DNAH10: variants seen among roughly 807,000 people sequenced by gnomAD.
The protein encoded by DNAH10 is dynein axonemal heavy chain 10.
DNAH10 carries 348 observed loss-of-function variants against 506.6 expected under a neutral mutation model. The ratio of observed to expected loss-of-function variants is 0.69; its 90% confidence interval spans 0.63 to 0.75. The LOEUF is 0.75. Among genes scored for constraint, DNAH10 ranks in the 30% least tolerant of loss-of-function variants. The probability of loss-of-function intolerance (pLI) is 0.00; values close to 1 mark genes in which losing one functional copy is unlikely to be tolerated. For missense variants in DNAH10, 5,179 were observed against 5,787.1 expected (o/e 0.89, Z 3.41); for synonymous variants, 2,059 against 2,198.6 (o/e 0.94, Z 1.78).
rs139756358 is a variant in DNAH10, at chr12:123,883,738, C to T, written c.8823+1925C>T. On this transcript the variant is annotated intron_variant, in intron 51 of 78. Coordinates refer to ENST00000673944, the MANE Select transcript of DNAH10 (RefSeq NM_001372106.1). ...ACAAATGATCTTTATTTTCTTTAGA[C>T]GTTTCTGCATTGCTTGAATTGTTGC... 3.3e-5 allele frequency among the ~76,000 whole-genome samples: 5 copies of T among 152,206 alleles called. No homozygotes were observed. In the East Asian group the frequency reaches 9.6e-4, roughly 29 times the overall value.
intron 21 of DNAH10, among the ~76,000 whole-genome samples, chr12:123,818,056 C>T (rs1301445672): frequency 6.7e-6 from 1 of 149,252 alleles, no homozygotes; most frequent in Admixed American, 6.8e-5. Context: ...TCAAGTGATT[C>T]TCTTGCCTCG....
At position 123,893,283 on chromosome 12, in the gene DNAH10, C is replaced by T; in HGVS notation, c.9046C>T (p.Gln3016Ter). 1.2e-6 allele frequency: 2 copies of T among 1,614,044 alleles called. No homozygotes were observed. Among genetic ancestry groups the T allele is most frequent in the Non-Finnish European group, 1.7e-6 (2 of 1,179,900 alleles). Residue 3016 changes from glutamine to a stop codon, truncating the protein, a stop_gained, in exon 53 of 79, where the codon CAG becomes TAG. Transcript: ENST00000673944. LOFTEE classifies it high-confidence loss of function. ...SEEEKESILS[Q>*]IGQEALKQGM... ...AGAGGAGAAAGAGTCTATCCTGAGT[C>T]AGATTGGACAGGAAGCTCTGAAGCA...
At chr12:123,772,397 C>T (rs899297192) in intron 3 of DNAH10, among the ~76,000 whole-genome samples, 3 of 152,186 alleles carry the variant, frequency 2.0e-5, no homozygotes, top group South Asian at 4.1e-4. Context: ...GTTCTGAAGA[C>T]GTTTGGCATG....
At position 123,867,456 on chromosome 12, in the gene DNAH10, C is replaced by CT; in HGVS notation, c.7168-5dup. The CT allele has an allele frequency of 2.5e-6, 4 of 1,607,832 alleles. No homozygotes were observed. The highest frequency in any genetic ancestry group is 3.4e-6 in the Non-Finnish European group (4 of 1,177,606). ...ACCCTTGAAATGCTTTGGAATGCTA[C>CT]TTTTTTATAGGTGGAGCAATACAAT... On this transcript the variant is annotated splice_polypyrimidine_tract_variant and intron_variant, in intron 41 of 78. Transcript: ENST00000673944.
intron 57 of DNAH10, among the ~76,000 whole-genome samples, chr12:123,905,064 T>C (rs1210071082): frequency 6.6e-6 from 1 of 152,240 alleles, no homozygotes; most frequent in Non-Finnish European, 1.5e-5. Flanking sequence ...GAGCAGGGGA[T>C]GCCTGCAAAT....
At position 123,907,912 on chromosome 12, in the gene DNAH10, C is replaced by T. The variant is rs954959387; in HGVS notation, c.9816-1349C>T. Among the ~76,000 whole-genome samples the T allele has an allele frequency of 5.9e-5, 9 of 152,160 alleles. No homozygotes were observed. Among genetic ancestry groups the T allele is most frequent in the African/African-American group, 1.4e-4 (6 of 41,436 alleles). On this transcript the variant is annotated intron_variant, in intron 57 of 78. Coordinates refer to ENST00000673944, the MANE Select transcript of DNAH10 (RefSeq NM_001372106.1). The surrounding 1 kb of genome is among the most constrained non-coding windows in gnomAD (Gnocchi z 4.4). The stretch of plus-strand genomic sequence containing the variant: ...ACTGGGCTTTGTGCTGAAGTGTGGG[C>T]GCCCTCCCTCCTGGCTGTTGCCCTG...
At position 123,907,624 on chromosome 12, in the gene DNAH10, G is replaced by C. The variant is rs1385195288; in HGVS notation, c.9816-1637G>C. ...GTTCTGCGTCTCTACTTCACAGATG[G>C]GGAAACTGACGCCCTGGCTGGTTCC... On this transcript the variant is annotated intron_variant, in intron 57 of 78. Coordinates refer to ENST00000673944, the MANE Select transcript of DNAH10 (RefSeq NM_001372106.1). This position sits in a 1 kb window ranked among gnomAD's most constrained non-coding sequence, Gnocchi z 4.4. Among the ~76,000 whole-genome samples, 1 of 152,166 alleles carries C rather than the reference G, an allele frequency of 6.6e-6. No homozygotes were observed. The highest frequency in any genetic ancestry group is 2.4e-5 in the African/African-American group (1 of 41,438).
rs201971927 is a variant in DNAH10, at chr12:123,917,813, G to A, written c.11232G>A (p.Glu3744=). Reference sequence around the variant, plus strand: ...AGGAGACCAAATCCAAGGCAACAGAGGTAGCAACCACAGTGGAAGAGGCCG... The same window carrying A: ...AGGAGACCAAATCCAAGGCAACAGAAGTAGCAACCACAGTGGAAGAGGCCG... ...TLEETKSKAT[E]VSEKLKLAEK... is the part of the protein sequence containing the mutation. Residue 3744 remains glutamate (E), a splice_region_variant and synonymous_variant, in exon 64 of 79, where the codon GAG becomes GAA. Coordinates refer to ENST00000673944, the MANE Select transcript of DNAH10 (RefSeq NM_001372106.1). The surrounding 1 kb of genome is among the most constrained non-coding windows in gnomAD (Gnocchi z 5.6). 4.7e-4 allele frequency: 733 copies of A among 1,566,808 alleles called. 3 individuals are homozygous for A. The highest frequency in any genetic ancestry group is 6.8e-5 in the Non-Finnish European group (79 of 1,156,174).
At chr12:123,873,845 C>A (rs867092720) in intron 46 of DNAH10, 135 bp downstream of exon 46, 2 of 1,219,130 alleles carry the variant, frequency 1.6e-6, no homozygotes, top group Admixed American at 3.4e-5. Flanking sequence ...GTACAGGCTG[C>A]GGGGAGCCAG....
rs1403410085 is a variant in DNAH10 at position 123,902,488 on chromosome 12, GGA to G, written c.9641-443_9641-442del. Among the ~76,000 whole-genome samples, 3 of 152,320 alleles carry G rather than the reference GGA, an allele frequency of 2.0e-5. No homozygotes were observed. Among genetic ancestry groups the G allele is most frequent in the African/African-American group, 4.8e-5 (2 of 41,576 alleles). ...GTCATGAAGCAAGTCAGCAAGGAAG[GGA>G]GAGAGAGGACGACAGAGGGGCAGGC... On this transcript the variant is annotated intron_variant, in intron 56 of 78. Coordinates refer to ENST00000673944, the MANE Select transcript of DNAH10 (RefSeq NM_001372106.1). This position sits in a 1 kb window ranked among gnomAD's most constrained non-coding sequence, Gnocchi z 4.5.
chr12:123,777,708 C>T (rs117359312), intron 5 of DNAH10, among the ~76,000 whole-genome samples: 205 of 152,256 alleles, frequency 1.3e-3, no homozygotes, highest in Middle Eastern at 3.4e-3. Flanking sequence ...TGCAGTGGCG[C>T]GAGCATGGCT....
chr12:123,831,026 G>A (rs575007517), intron 26 of DNAH10, among the ~76,000 whole-genome samples: 1 of 152,258 alleles, frequency 6.6e-6, no homozygotes, highest in African/African-American at 2.4e-5. Flanking sequence ...ATTTGTTGTA[G>A]AAATAGAATT....
In DNAH10 at chr12:123,922,674, G is replaced by T. The variant is rs183463478; in HGVS notation, c.11507-1089G>T. Among the ~76,000 whole-genome samples the T allele has an allele frequency of 2.6e-5, 4 of 152,246 alleles. No individual in the cohort carries two copies. In the East Asian group the frequency reaches 7.7e-4, roughly 29 times the overall value. On this transcript the variant is annotated intron_variant, in intron 65 of 78. Coordinates refer to ENST00000673944, the MANE Select transcript of DNAH10 (RefSeq NM_001372106.1). ...CAAAATCAAGGTTTTGGTAGGTTTCGTTTCTCCTTAGGATGCTCCCCTTGG... is the reference window on the plus strand; with the variant it reads ...CAAAATCAAGGTTTTGGTAGGTTTCTTTTCTCCTTAGGATGCTCCCCTTGG...
chr12:123,877,656 C>T (rs925108114), intron 47 of DNAH10, 80 bp from the exon 48 acceptor site: 55 of 1,491,486 alleles, frequency 3.7e-5, no homozygotes, highest in South Asian at 6.7e-5. Flanking sequence ...GTCCATTGTA[C>T]GGCTCTGCCA....
At chr12:123,820,072 CAA>C (rs1959237889) in intron 23 of DNAH10, among the ~76,000 whole-genome samples, 1 of 152,082 alleles carries the variant, frequency 6.6e-6, no homozygotes, top group East Asian at 1.9e-4. Flanking sequence ...TGAGACAAAC[CAA>C]AGACTGCTGT....
In DNAH10 at chr12:123,857,142, G is replaced by A. The variant is rs367982221; in HGVS notation, c.6525G>A (p.Ser2175=). ...EDVPLFLGLI[S]DLFPGLDCPR... ...TTCCTCTTTTCCTTGGTTTGATTTC[G>A]GATCTGTTTCCTGGGCTGGACTGCC... The change falls in exon 37 of 79, where the codon TCG becomes TCA. Residue 2175 remains serine (S), a synonymous_variant. Transcript: ENST00000673944. The A allele has an allele frequency of 5.0e-6, 8 of 1,611,488 alleles. No individual in the cohort carries two copies. Among genetic ancestry groups the A allele is most frequent in the Admixed American group, 3.4e-5 (2 of 59,596 alleles).
chr12:123,925,680 G>C lies in DNAH10; in HGVS notation c.11921+476G>C, dbSNP rs1375364664. On this transcript the variant is annotated intron_variant, in intron 68 of 78. Coordinates refer to ENST00000673944, the MANE Select transcript of DNAH10 (RefSeq NM_001372106.1). This position sits in a 1 kb window ranked among gnomAD's most constrained non-coding sequence, Gnocchi z 4.0. Reference sequence around the variant, plus strand: ...GCACTGGACAATGTAGCTCTAGCATGGGGTACGAAGCCAGGCGGAGCGTGT... The same window carrying C: ...GCACTGGACAATGTAGCTCTAGCATCGGGTACGAAGCCAGGCGGAGCGTGT... 6.4e-6 allele frequency: 1 copy of C among 156,368 alleles called. No individual in the cohort carries two copies. Among genetic ancestry groups the C allele is most frequent in the Non-Finnish European group, 1.4e-5 (1 of 70,822 alleles). The allele number at this position is 156,368 out of a possible 1,614,324, so 9.7% of individuals were successfully genotyped here.
At chr12:123,878,359 A>G (rs1388597589) in intron 48 of DNAH10, among the ~76,000 whole-genome samples, 1 of 152,226 alleles carries the variant, frequency 6.6e-6, no homozygotes, top group Admixed American at 6.5e-5. Context: ...ATGAATGTCT[A>G]CTTTAGTCTA....
rs934825635 is a variant in DNAH10 at position 123,917,935 on chromosome 12, C to G, written c.11232+122C>G. The G allele has an allele frequency of 1.9e-6, 2 of 1,077,342 alleles. No homozygotes were observed. The highest frequency in any genetic ancestry group is 2.7e-6 in the Non-Finnish European group (2 of 747,194). 66.7% of individuals were successfully genotyped at this position (1,077,342 alleles called of 1,614,324 possible). A position where few individuals can be genotyped will look rare whatever the true frequency, so the allele number is the denominator to read the frequency against. On this transcript the variant is annotated intron_variant, in intron 64 of 78. Coordinates refer to ENST00000673944, the MANE Select transcript of DNAH10 (RefSeq NM_001372106.1). This position sits in a 1 kb window ranked among gnomAD's most constrained non-coding sequence, Gnocchi z 5.6. Reference sequence around the variant, plus strand: ...CTGTGATCTCAGGGCTAAAAACCCACCTCTATTGGGATGTGCTGTGGGGAG... The same window carrying G: ...CTGTGATCTCAGGGCTAAAAACCCAGCTCTATTGGGATGTGCTGTGGGGAG...
Sources: gnomAD v4.1 joint callset for allele counts (sites outside exome capture counted in the v4.1 genomes callset) on GRCh38, gnomAD v4.1.1 for gene constraint, Gnocchi (gnomAD v3.1) non-coding constraint, MANE v1.5 for transcripts, NCBI Gene and HGNC (gene_info 2026-07-23, HGNC 2026-07-21) for gene names.